The following GSAP variants were observed in gnomAD, a reference collection of about 807,000 sequenced individuals.
The protein encoded by GSAP is gamma-secretase-activating protein.
GSAP carries 118 observed loss-of-function variants against 131.7 expected under a neutral mutation model. The observed-to-expected ratio is 0.90, with a 90% CI of 0.77 to 1.04. The LOEUF is 1.04. GSAP is among the 50% of genes least tolerant of loss of function. The pLI, the probability that GSAP is intolerant of heterozygous loss-of-function variation, is 0.00. For synonymous variants in GSAP, 381 were observed against 363.4 expected (o/e 1.05, Z -0.55); for missense variants, 1,019 against 1,013.2 (o/e 1.01, Z -0.08).
At chr7:77,349,641 TAAAGGA>T (rs1365855506) in intron 18 of GSAP, among the ~76,000 whole-genome samples, 1 of 151,854 alleles carries the variant, frequency 6.6e-6, no homozygotes, top group African/African-American at 2.4e-5. Flanking sequence ...GTCTCTAAAG[TAAAGGA>T]AAAGACTATT....
intron 12 of GSAP, among the ~76,000 whole-genome samples, chr7:77,369,351 AG>A (rs1364511788): frequency 4.6e-5 from 7 of 152,196 alleles, no homozygotes; most frequent in Non-Finnish European, 1.0e-4. Context: ...ATAATACACA[AG>A]TGGCCTGACA....
chr7:77,388,752 G>A (rs1233634545), intron 5 of GSAP, among the ~76,000 whole-genome samples: 6 of 152,166 alleles, frequency 3.9e-5, no homozygotes, highest in Non-Finnish European at 7.4e-5. Flanking sequence ...TGAGAGCACT[G>A]CTTTATTTTT....
chr7:77,382,618 T>G lies in GSAP; in HGVS notation c.482A>C (p.His161Pro). 6.4e-7 allele frequency: 1 copy of G among 1,564,032 alleles called. No individual in the cohort carries two copies. Among genetic ancestry groups the G allele is most frequent in the Non-Finnish European group, 8.8e-7 (1 of 1,134,536 alleles). The change falls in exon 7 of 31, where the codon CAT (histidine) becomes CCT (proline). Residue 161 changes from histidine to proline, a missense_variant. Physicochemically the swap from His to Pro is moderately conservative, Grantham distance 77 (BLOSUM62 -2). Transcript: ENST00000257626. The part of the protein sequence containing the change: ...VQFLYPHIES[H>P]PLPENHLLLI... Reference sequence around the variant, plus strand: ...TAACAGATGGTTCTCTGGAAGAGGATGACTTTCAATATGTGGGTAGAGAAA... The same window carrying G: ...TAACAGATGGTTCTCTGGAAGAGGAGGACTTTCAATATGTGGGTAGAGAAA...
intron 12 of GSAP, among the ~76,000 whole-genome samples, chr7:77,373,196 A>AC (rs1212370324): frequency 6.6e-6 from 1 of 152,180 alleles, no homozygotes; most frequent in East Asian, 1.9e-4. Context: ...TCATAATATG[A>AC]TTCTATTTAA....
At chr7:77,314,586 G>A in intron 26 of GSAP, 97 bp from the exon 27 acceptor site, 1 of 1,347,164 alleles carries the variant, frequency 7.4e-7, no homozygotes, top group East Asian at 2.4e-5. Context: ...ACTTAGTTCA[G>A]TGCTTGGTGC....
chr7:77,312,114 T>C lies in GSAP; in HGVS notation c.2360A>G (p.Asn787Ser), dbSNP rs770438329. Residue 787 changes from asparagine (N) to serine (S), a missense_variant, in exon 29 of 31, where the codon AAC becomes AGC. By Grantham distance (46) the Asn-to-Ser change is conservative. Coordinates refer to ENST00000257626, the MANE Select transcript of GSAP (RefSeq NM_017439.4). Reference sequence around the variant, plus strand: ...AGAGAAACTCACCTGTTTCTTATAGTTCTGAAGCAGTCGCGTCACGTGGTT... The same window carrying C: ...AGAGAAACTCACCTGTTTCTTATAGCTCTGAAGCAGTCGCGTCACGTGGTT... ...SRNHVTRLLQ[N>S]YKKQPRNSMI... 6.3e-7 allele frequency: 1 copy of C among 1,594,330 alleles called. No individual in the cohort carries two copies. The highest frequency in any genetic ancestry group is 1.1e-5 in the South Asian group (1 of 88,126).
At chr7:77,350,427 TAA>T (rs751767423) in intron 18 of GSAP, among the ~76,000 whole-genome samples, 8 of 133,630 alleles carry the variant, frequency 6.0e-5, no homozygotes, top group Admixed American at 7.5e-5. Context: ...GTATAATAAT[TAA>T]AAAAAAAAAA....
chr7:77,335,531 C>T (rs1394803214), intron 19 of GSAP, among the ~76,000 whole-genome samples: 2 of 152,066 alleles, frequency 1.3e-5, no homozygotes, highest in Non-Finnish European at 2.9e-5. Context: ...GAAATAATTG[C>T]CAAACACAGC....
intron 1 of GSAP, among the ~76,000 whole-genome samples, chr7:77,407,855 C>G (rs1275608719): frequency 6.6e-6 from 1 of 152,046 alleles, no homozygotes; most frequent in African/African-American, 2.4e-5. Flanking sequence ...AACCAGAAAC[C>G]CAAACTATCC....
intron 19 of GSAP, among the ~76,000 whole-genome samples, chr7:77,342,599 T>C (rs372543555): frequency 6.9e-4 from 105 of 152,156 alleles, no homozygotes; most frequent in South Asian, 5.2e-3. Context: ...GTATAGGACA[T>C]CTCTACTCCC....
intron 22 of GSAP, chr7:77,327,199 T>C (rs1788443626): frequency 1.3e-5 from 2 of 151,936 alleles, no homozygotes; most frequent in Non-Finnish European, 2.9e-5. Flanking sequence ...AAGGGAAGAG[T>C]TTCCTAAAGT....
chr7:77,402,964 ACTC>A (rs1223858497), intron 3 of GSAP, among the ~76,000 whole-genome samples: 1 of 152,150 alleles, frequency 6.6e-6, no homozygotes, highest in African/African-American at 2.4e-5. Context: ...CATTCACTGT[ACTC>A]CTACCACTCA....
At chr7:77,397,469 T>A (rs1330096767) in intron 3 of GSAP, 54 bp from the exon 4 acceptor site, 7 of 966,028 alleles carry the variant, frequency 7.2e-6, no homozygotes, top group Non-Finnish European at 1.1e-5. Context: ...AAATAACAAT[T>A]GTATGAACAT....
chr7:77,409,603 T>A (rs1802907553), intron 1 of GSAP, among the ~76,000 whole-genome samples: 1 of 152,210 alleles, frequency 6.6e-6, no homozygotes, highest in Non-Finnish European at 1.5e-5. Context: ...AAAGAGAATT[T>A]CAGTGAGTTT....
intron 27 of GSAP, among the ~76,000 whole-genome samples, 165 bp downstream of exon 27, chr7:77,314,205 A>G (rs1236145578): frequency 6.6e-6 from 1 of 152,188 alleles, no homozygotes; most frequent in African/African-American, 2.4e-5. Context: ...GCCCTCGTTC[A>G]AATACTACTA....
At chr7:77,386,454 T>A (rs1294111305) in intron 6 of GSAP, among the ~76,000 whole-genome samples, 1 of 152,196 alleles carries the variant, frequency 6.6e-6, no homozygotes, top group Non-Finnish European at 1.5e-5. Flanking sequence ...GGATAAATTC[T>A]TGGAAGCCTC....
intron 12 of GSAP, among the ~76,000 whole-genome samples, chr7:77,371,710 T>G (rs1195959354): frequency 6.6e-6 from 1 of 152,214 alleles, no homozygotes; most frequent in Non-Finnish European, 1.5e-5. Context: ...GTTCTGGGAT[T>G]ACAGGCGTGA....
intron 19 of GSAP, among the ~76,000 whole-genome samples, chr7:77,333,551 C>A (rs11983527): frequency 6.6e-6 from 1 of 151,966 alleles, no homozygotes; most frequent in South Asian, 2.1e-4. Context: ...CCAGGACTGA[C>A]AACAGTGAGC....
intron 12 of GSAP, among the ~76,000 whole-genome samples, chr7:77,367,117 C>G (rs1795439969): frequency 6.6e-6 from 1 of 152,118 alleles, no homozygotes. Flanking sequence ...GTTGAAGGAG[C>G]TTTTGGGCTG....
Sources: allele counts gnomAD v4.1 joint callset (sites outside exome capture counted in the v4.1 genomes callset), GRCh38; gene constraint gnomAD v4.1.1; transcripts MANE v1.5; gene names NCBI Gene and HGNC (gene_info 2026-07-23, HGNC 2026-07-21).